MEGF8: variants seen among roughly 807,000 people sequenced by gnomAD.
MEGF8 encodes multiple epidermal growth factor-like domains protein 8.
MEGF8 carries 156 observed loss-of-function variants against 302.9 expected under a neutral mutation model. That is an observed-to-expected ratio of 0.52 (90% CI 0.45 to 0.59). MEGF8 has a LOEUF of 0.59. Ranked by LOEUF, MEGF8 falls within the 20% of genes least tolerant of loss-of-function variation. The pLI is 0.00. For synonymous variants in MEGF8, 1,621 were observed against 1,660.5 expected (o/e 0.98, Z 0.58); for missense variants, 3,345 against 3,964.5 (o/e 0.84, Z 4.20).
intron 8 of MEGF8, among the ~76,000 whole-genome samples, chr19:42,341,449 AAC>A (rs1235775905): frequency 1.3e-5 from 2 of 150,962 alleles, no homozygotes; most frequent in African/African-American, 2.4e-5. Context: ...AAAAAAAAAA[AAC>A]ACACATAAAA....
In MEGF8 at chr19:42,354,531, C is replaced by T. The variant is rs1454816487; in HGVS notation, c.4012-57C>T. ...TCTTGAACCCCTCCTCCTCCCAGAC[C>T]CCAGGTGTCGTTCTCATCCTCATTG... is the stretch of plus-strand genomic sequence containing the variant. On this transcript the variant is annotated intron_variant, in intron 22 of 41. Transcript: ENST00000251268. This position sits in a 1 kb window ranked among gnomAD's most constrained non-coding sequence, Gnocchi z 4.3. 3.2e-6 allele frequency: 5 copies of T among 1,565,590 alleles called. No individual in the cohort carries two copies. The highest frequency in any genetic ancestry group is 1.3e-5 in the African/African-American group (1 of 74,188).
chr19:42,348,443 ATGGCCCG>A lies in MEGF8; in HGVS notation c.2276_2282del (p.Arg759LeufsTer43), dbSNP rs1427965122. 1 of 1,529,854 alleles carries A rather than the reference ATGGCCCG, an allele frequency of 6.5e-7. No homozygotes were observed. Among genetic ancestry groups the A allele is most frequent in the Non-Finnish European group, 8.8e-7 (1 of 1,141,268 alleles). The allele number at this position is 1,529,854 out of a possible 1,614,324, so 94.8% of individuals were successfully genotyped here. On this transcript the variant is annotated frameshift_variant, in exon 13 of 42. Coordinates refer to ENST00000251268, the MANE Select transcript of MEGF8 (RefSeq NM_001271938.2). LOFTEE classifies it high-confidence loss of function. The stretch of plus-strand genomic sequence containing the variant: ...CCAGCGCCTACACGTCCTGGCCCGG[ATGGCCCG>A]TGGCCCTGACACGGAGAACATGGTG...
chr19:42,368,663 G>C lies in MEGF8; in HGVS notation c.6481+1G>C, dbSNP rs1475897464. 6.5e-7 allele frequency: 1 copy of C among 1,542,814 alleles called. No individual in the cohort carries two copies. Among genetic ancestry groups the C allele is most frequent in the South Asian group, 1.2e-5 (1 of 81,960 alleles). ...GGTGGACTCAGCGGCCCCCGTGATG[G>C]TGAGAGGGCTTTGGGCACTGGGGGA... On this transcript the variant is annotated splice_donor_variant, in intron 36 of 41. Transcript: ENST00000251268. LOFTEE classifies it high-confidence loss of function. This position sits in a 1 kb window ranked among gnomAD's most constrained non-coding sequence, Gnocchi z 4.9.
chr19:42,343,465 C>T lies in MEGF8; in HGVS notation c.1514-12C>T. 1 of 1,583,464 alleles carries T rather than the reference C, an allele frequency of 6.3e-7. No homozygotes were observed. On this transcript the variant is annotated splice_polypyrimidine_tract_variant and intron_variant, in intron 8 of 41. Transcript: ENST00000251268. ...GGGTCTAATAATGTCATTGGGGTCT[C>T]TATTCCCCTAGGCCGAGCAGCGCCT...
intron 32 of MEGF8, 88 bp downstream of exon 32, chr19:42,361,094 G>T: frequency 1.5e-6 from 2 of 1,357,514 alleles, no homozygotes; most frequent in South Asian, 1.5e-5. Flanking sequence ...GAGGCCTCAG[G>T]AGTATACCGT....
chr19:42,333,234 G>T (rs1431019688), intron 1 of MEGF8, among the ~76,000 whole-genome samples: 1 of 152,182 alleles, frequency 6.6e-6, no homozygotes. Flanking sequence ...TGAAACTCAG[G>T]CATGGACAGG....
intron 32 of MEGF8, among the ~76,000 whole-genome samples, chr19:42,361,832 A>T (rs2039535620): frequency 6.6e-6 from 1 of 152,128 alleles, no homozygotes; most frequent in African/African-American, 2.4e-5. Context: ...GGGGACGGTC[A>T]GGGAGAAATC....
rs375060655 is a variant in MEGF8, at chr19:42,344,847, G to A, written c.2097+14G>A. 1.7e-5 allele frequency: 26 copies of A among 1,530,104 alleles called. No individual in the cohort carries two copies. Among genetic ancestry groups the A allele is most frequent in the African/African-American group, 2.8e-5 (2 of 72,216 alleles). The allele number at this position is 1,530,104 out of a possible 1,614,324, so 94.8% of individuals were successfully genotyped here. On this transcript the variant is annotated intron_variant, in intron 12 of 41. Coordinates refer to ENST00000251268, the MANE Select transcript of MEGF8 (RefSeq NM_001271938.2). The surrounding 1 kb of genome is among the most constrained non-coding windows in gnomAD (Gnocchi z 4.5). The stretch of plus-strand genomic sequence containing the variant: ...CAGCCTGACAAGGTGGGTAGGAGGC[G>A]TGGCCCTGGGTGGGGTGTTGATGAT...
Position 42,376,421 on chromosome 19 carries a change from T to G in MEGF8, c.8184T>G (p.Ser2728=), listed in dbSNP as rs1301332296. ...TCCCACCTCCCGCCTTCCGCCGCTCTGAGCCCTTCCTGGCACCCCTGCTGC... is the reference window on the plus strand; with the variant it reads ...TCCCACCTCCCGCCTTCCGCCGCTCGGAGCCCTTCCTGGCACCCCTGCTGC... ...AGLPPPAFRR[S]EPFLAPLLLT... The change falls in exon 42 of 42, where the codon TCT becomes TCG. Residue 2728 remains serine, a synonymous_variant. Transcript: ENST00000251268. This position sits in a 1 kb window ranked among gnomAD's most constrained non-coding sequence, Gnocchi z 8.2. 6.2e-7 allele frequency: 1 copy of G among 1,612,536 alleles called. No homozygotes were observed. Among genetic ancestry groups the G allele is most frequent in the Non-Finnish European group, 8.5e-7 (1 of 1,179,598 alleles).
In MEGF8 at chr19:42,368,892, C is replaced by T. The variant is rs554372087; in HGVS notation, c.6531C>T (p.Pro2177=). The part of the protein sequence containing the change: ...PGASWAFLSC[P]PEDECANGHH... ...CCTCCTGGGCCTTCCTGTCCTGCCC[C>T]CCTGAGGACGAGTGTGCAAACGGGC... is the stretch of plus-strand genomic sequence containing the variant. Residue 2177 remains proline, a synonymous_variant, in exon 37 of 42, where the codon CCC becomes CCT. Transcript: ENST00000251268. The surrounding 1 kb of genome is among the most constrained non-coding windows in gnomAD (Gnocchi z 4.9). 6.2e-7 allele frequency: 1 copy of T among 1,613,884 alleles called. No homozygotes were observed. The highest frequency in any genetic ancestry group is 1.1e-5 in the South Asian group (1 of 91,082).
At position 42,333,997 on chromosome 19, in the gene MEGF8, G is replaced by T. The variant is rs1463467771; in HGVS notation, c.352-10G>T. On this transcript the variant is annotated splice_polypyrimidine_tract_variant and intron_variant, in intron 2 of 41. Coordinates refer to ENST00000251268, the MANE Select transcript of MEGF8 (RefSeq NM_001271938.2). ...CTGCCCACCTTACCCAGCACACCTT[G>T]TGCCCGCAGATGCTGCTGCACCTCT... is the stretch of plus-strand genomic sequence containing the variant. 1 of 1,611,586 alleles carries T rather than the reference G, an allele frequency of 6.2e-7. No homozygotes were observed. The highest frequency in any genetic ancestry group is 1.1e-5 in the South Asian group (1 of 90,592).
chr19:42,363,203 G>C lies in MEGF8; in HGVS notation c.6214G>C (p.Asp2072His), dbSNP rs2039558321. The C allele has an allele frequency of 6.2e-7, 1 of 1,611,442 alleles. No individual in the cohort carries two copies. The highest frequency in any genetic ancestry group is 1.3e-5 in the African/African-American group (1 of 74,976). The change falls in exon 35 of 42, where the codon GAC (aspartate) becomes CAC (histidine). Residue 2072 changes from aspartate (D) to histidine (H), a missense_variant. Transcript: ENST00000251268. The part of the protein sequence containing the change: ...HLLPNCTSCL[D>H]SKGADGGWQH... ...CCTACCCAACTGTACCTCCTGCCTGGACTCTAAGGGAGCAGATGGGGGCTG... is the reference window on the plus strand; with the variant it reads ...CCTACCCAACTGTACCTCCTGCCTGCACTCTAAGGGAGCAGATGGGGGCTG...
At chr19:42,371,306 A>G in intron 40 of MEGF8, 44 bp from the exon 41 acceptor site, 1 of 1,607,002 alleles carries the variant, frequency 6.2e-7, no homozygotes, top group Non-Finnish European at 8.5e-7. Context: ...ATCCTGGACC[A>G]CTGCAGGCCA....
intron 35 of MEGF8, 39 bp downstream of exon 35, chr19:42,363,301 G>A (rs1468645439): frequency 1.2e-5 from 19 of 1,533,748 alleles, no homozygotes; most frequent in Admixed American, 2.0e-5. Context: ...GCAAGGGCCC[G>A]GGCAGGTCTC....
chr19:42,336,738 C>T lies in MEGF8; in HGVS notation c.1245-69C>T, dbSNP rs143000228. 9 of 1,518,070 alleles carry T rather than the reference C, an allele frequency of 5.9e-6. No individual in the cohort carries two copies. The Admixed American group carries it at 9.0e-5, about 15-fold the overall frequency. 94.0% of individuals were successfully genotyped at this position (1,518,070 alleles called of 1,614,324 possible). On this transcript the variant is annotated intron_variant, in intron 6 of 41. Coordinates refer to ENST00000251268, the MANE Select transcript of MEGF8 (RefSeq NM_001271938.2). This position sits in a 1 kb window ranked among gnomAD's most constrained non-coding sequence, Gnocchi z 4.8. ...CTCATCCCTGGGTGATCACATGGCT[C>T]CTAAGAGCCTGGAGGAGGGAGAGAG...
At chr19:42,326,739 C>CTTTT (rs34036568) in intron 1 of MEGF8, among the ~76,000 whole-genome samples, 3 of 118,104 alleles carry the variant, frequency 2.5e-5, no homozygotes, top group Non-Finnish European at 3.4e-5. Flanking sequence ...ACTACTACTA[C>CTTTT]TTTTTTTTTT....
At chr19:42,372,100 A>C (rs932270479) in intron 41 of MEGF8, among the ~76,000 whole-genome samples, 4 of 150,952 alleles carry the variant, frequency 2.6e-5, no homozygotes, top group Admixed American at 1.3e-4. Flanking sequence ...CACACACACA[A>C]CAGAAGAAAA....
chr19:42,342,276 C>T (rs375451602), intron 8 of MEGF8, among the ~76,000 whole-genome samples: 1 of 152,326 alleles, frequency 6.6e-6, no homozygotes, highest in East Asian at 1.9e-4. Context: ...CATTCACTGA[C>T]CACTTACCTG....
At position 42,353,653 on chromosome 19, in the gene MEGF8, C is replaced by T; in HGVS notation, c.3739C>T (p.Pro1247Ser). ...TEGAHCQLCS[P>S]GYYGDPRAGG... ...GGGTGCCCACTGCCAGCTCTGCTCC[C>T]CAGGCTATTATGGGGATCCCCGGTG... Residue 1247 changes from proline (P) to serine (S), a missense_variant, in exon 21 of 42, where the codon CCA becomes TCA. Physicochemically the swap from Pro to Ser is moderately conservative, Grantham distance 74. Coordinates refer to ENST00000251268, the MANE Select transcript of MEGF8 (RefSeq NM_001271938.2). This position sits in a 1 kb window ranked among gnomAD's most constrained non-coding sequence, Gnocchi z 6.1. 1.9e-6 allele frequency: 3 copies of T among 1,580,032 alleles called. No individual in the cohort carries two copies. The highest frequency in any genetic ancestry group is 2.6e-6 in the Non-Finnish European group (3 of 1,160,450).
Sources: allele counts gnomAD v4.1 joint callset (sites outside exome capture counted in the v4.1 genomes callset), GRCh38; gene constraint gnomAD v4.1.1; non-coding constraint Gnocchi (gnomAD v3.1); transcripts MANE v1.5; gene names NCBI Gene and HGNC (gene_info 2026-07-23, HGNC 2026-07-21).